Variants in PKP4 observed in about 807,000 individuals in gnomAD.
The protein encoded by PKP4 is plakophilin 4, also known as plakophilin-4.
A neutral mutation model predicts 145.1 loss-of-function variants in PKP4; 90 were observed. That is an observed-to-expected ratio of 0.62 (90% CI 0.52 to 0.74). PKP4 has a LOEUF of 0.74. PKP4 is among the 30% of genes least tolerant of loss of function. PKP4 has a pLI of 0.00. For synonymous variants in PKP4, 563 were observed against 577.2 expected, an observed-to-expected ratio of 0.98 and a Z score of 0.35; for missense variants, 1,340 against 1,482.7, an observed-to-expected ratio of 0.90 and a Z score of 1.58.
Position 158,545,073 on chromosome 2 carries a change from C to CTTTTTTTTT in PKP4, c.132+11775_132+11783dup, listed in dbSNP as rs386391605. On this transcript the variant is annotated intron_variant, in intron 2 of 21. Coordinates refer to ENST00000389759, the MANE Select transcript of PKP4 (RefSeq NM_003628.6). The stretch of plus-strand genomic sequence containing the variant: ...GAGCAGGCCTAACCTAAGTCTTTCA[C>CTTTTTTTTT]TTTTTTTTTTTTTTTTTTTTTTTTT... 3.0e-4 allele frequency among the ~76,000 whole-genome samples: 22 copies of CTTTTTTTTT among 72,510 alleles called. 3 individuals are homozygous for CTTTTTTTTT. Among genetic ancestry groups the CTTTTTTTTT allele is most frequent in the African/African-American group, 9.7e-4 (17 of 17,614 alleles). 47.6% of individuals were successfully genotyped at this position (72,510 alleles called of 152,430 possible).
At chr2:158,565,770 A>G (rs1340736979) in intron 2 of PKP4, among the ~76,000 whole-genome samples, 3 of 152,160 alleles carry the variant, frequency 2.0e-5, no homozygotes, top group Non-Finnish European at 4.4e-5. Flanking sequence ...CAGCTTTAAT[A>G]TTCCTTATAG....
intron 2 of PKP4, among the ~76,000 whole-genome samples, chr2:158,575,627 T>C (rs3755409): frequency 0.2 from 30,342 of 152,122 alleles, 3,898 homozygotes; most frequent in Middle Eastern, 0.36. Flanking sequence ...CAATCCCTAG[T>C]AGCCACTGAA....
intron 11 of PKP4, among the ~76,000 whole-genome samples, chr2:158,656,159 C>G (rs897496566): frequency 6.6e-6 from 1 of 152,164 alleles, no homozygotes; most frequent in African/African-American, 2.4e-5. Flanking sequence ...TGGAGCCTTA[C>G]GACCAATTCT....
At chr2:158,559,650 C>G (rs1400358104) in intron 2 of PKP4, among the ~76,000 whole-genome samples, 1 of 152,124 alleles carries the variant, frequency 6.6e-6, no homozygotes, top group Non-Finnish European at 1.5e-5. Context: ...TGTGTATTAA[C>G]TGGAGGTAGG....
Position 158,482,033 on chromosome 2 carries a change from G to C in PKP4, c.-6+24815G>C, listed in dbSNP as rs149508349. Among the ~76,000 whole-genome samples, 52 of 152,236 alleles carry C rather than the reference G, an allele frequency of 3.4e-4. 1 individual carries two copies. The East Asian group carries it at 9.5e-3, about 28-fold the overall frequency. ...GTTTATAGAGTTTTCAGTTGTGATC[G>C]CTCATGCCATAATTACGTACCTGTG... is the stretch of plus-strand genomic sequence containing the variant. On this transcript the variant is annotated intron_variant, in intron 1 of 21. Transcript: ENST00000389759.
At chr2:158,479,056 C>T (rs1359183310) in intron 1 of PKP4, among the ~76,000 whole-genome samples, 1 of 152,172 alleles carries the variant, frequency 6.6e-6, no homozygotes, top group Non-Finnish European at 1.5e-5. Context: ...CTAGGCTAGG[C>T]TGCCAAGCCA....
At chr2:158,666,802 G>A (rs1329612246) in intron 16 of PKP4, 4 of 385,086 alleles carry the variant, frequency 1.0e-5, no homozygotes, top group African/African-American at 2.1e-5. Flanking sequence ...AGCAATTTTA[G>A]TTGTACCTTA....
At chr2:158,598,510 G>A (rs541345859) in intron 3 of PKP4, among the ~76,000 whole-genome samples, 3 of 152,320 alleles carry the variant, frequency 2.0e-5, no homozygotes, top group South Asian at 2.1e-4. Context: ...GCTCACGCCT[G>A]TAATCCTAGC....
At chr2:158,647,017 C>T (rs1393890226) in intron 11 of PKP4, among the ~76,000 whole-genome samples, 1 of 152,158 alleles carries the variant, frequency 6.6e-6, no homozygotes, top group East Asian at 1.9e-4. Context: ...ACCAGCACTC[C>T]TAACCAAGGA....
chr2:158,461,083 A>G (rs979118034), intron 1 of PKP4, among the ~76,000 whole-genome samples: 4 of 152,224 alleles, frequency 2.6e-5, no homozygotes, highest in African/African-American at 9.7e-5. Context: ...GGTTATTTCA[A>G]GGTAAGGTAA....
intron 1 of PKP4, among the ~76,000 whole-genome samples, chr2:158,491,360 A>T (rs528488114): frequency 6.6e-6 from 1 of 152,178 alleles, no homozygotes; most frequent in Non-Finnish European, 1.5e-5. Context: ...GGCTGCATCC[A>T]TCTATATGTC....
At position 158,499,749 on chromosome 2, in the gene PKP4, C is replaced by G. The variant is rs536037349; in HGVS notation, c.-5-33431C>G. The stretch of plus-strand genomic sequence containing the variant: ...CGGTTAGAAATGAGGTCAATTATTC[C>G]TGAAAAAAAAATTGGTAATACTTGG... On this transcript the variant is annotated intron_variant, in intron 1 of 21. Coordinates refer to ENST00000389759, the MANE Select transcript of PKP4 (RefSeq NM_003628.6). 1.5e-4 allele frequency among the ~76,000 whole-genome samples: 23 copies of G among 151,992 alleles called. No individual in the cohort carries two copies. In the South Asian group the frequency reaches 4.6e-3, roughly 30 times the overall value.
At chr2:158,480,315 C>T (rs1693155145) in intron 1 of PKP4, among the ~76,000 whole-genome samples, 1 of 152,188 alleles carries the variant, frequency 6.6e-6, no homozygotes, top group African/African-American at 2.4e-5. Flanking sequence ...CGGCTCACTG[C>T]AACCTCTGCC....
intron 2 of PKP4, chr2:158,533,554 T>C (rs2043769601): frequency 1.7e-6 from 1 of 595,936 alleles, no homozygotes; most frequent in African/African-American, 1.8e-5. Context: ...ATCTCGATGG[T>C]GATCGGTGTC....
At chr2:158,511,020 G>A (rs1319832131) in intron 1 of PKP4, among the ~76,000 whole-genome samples, 1 of 152,220 alleles carries the variant, frequency 6.6e-6, no homozygotes, top group Non-Finnish European at 1.5e-5. Context: ...GAAGGCCTCT[G>A]TGAGCCTGAG....
intron 3 of PKP4, among the ~76,000 whole-genome samples, chr2:158,595,262 G>A (rs1314695687): frequency 1.3e-5 from 2 of 152,144 alleles, no homozygotes; most frequent in African/African-American, 4.8e-5. Context: ...ACAGGTTATA[G>A]CATTAGAGAA....
chr2:158,482,827 C>CAA (rs76335299), intron 1 of PKP4, among the ~76,000 whole-genome samples: 11 of 118,162 alleles, frequency 9.3e-5, no homozygotes, highest in African/African-American at 3.1e-4. Flanking sequence ...GACCTTGCTT[C>CAA]AAAAAAAAAA....
At chr2:158,661,162 C>CG (rs2056539918) in intron 12 of PKP4, 171 bp from the exon 13 acceptor site, 3 of 531,442 alleles carry the variant, frequency 5.6e-6, no homozygotes, top group Non-Finnish European at 1.0e-5. Context: ...TAATGGGGAG[C>CG]GGGCCATCAT....
chr2:158,506,618 A>G (rs1195403375), intron 1 of PKP4, among the ~76,000 whole-genome samples: 1 of 152,164 alleles, frequency 6.6e-6, no homozygotes, highest in Non-Finnish European at 1.5e-5. Context: ...CTCTTTAAAT[A>G]CTGTTCTGTT....
Sources: allele counts gnomAD v4.1 joint callset (sites outside exome capture counted in the v4.1 genomes callset), GRCh38; gene constraint gnomAD v4.1.1; transcripts MANE v1.5; gene names NCBI Gene and HGNC (gene_info 2026-07-23, HGNC 2026-07-21).